Variants in ROBO2 observed in about 807,000 individuals in gnomAD.
The protein encoded by ROBO2 is roundabout homolog 2.
In ROBO2, 53 loss-of-function variants were observed where a neutral mutation model predicts 160.8. The ratio of observed to expected loss-of-function variants is 0.33; its 90% confidence interval spans 0.26 to 0.41. The LOEUF (loss-of-function observed/expected upper bound fraction) is 0.41. Ranked by LOEUF, ROBO2 falls within the 10% of genes least tolerant of loss-of-function variation. The probability of loss-of-function intolerance (pLI) is 1.00; values close to 1 mark genes in which losing one functional copy is unlikely to be tolerated. For synonymous variants in ROBO2, 664 were observed against 611.7 expected, an observed-to-expected ratio of 1.09 and a Z score of -1.26; for missense variants, 1,577 against 1,722.4, an observed-to-expected ratio of 0.92 and a Z score of 1.49.
At chr3:76,710,368 C>T (rs1393869999) in intron 2 of ROBO2, among the ~76,000 whole-genome samples, 4 of 152,160 alleles carry the variant, frequency 2.6e-5, no homozygotes, top group Non-Finnish European at 5.9e-5. Flanking sequence ...ATCCTCCTGC[C>T]TTGGCCTCCC....
At chr3:76,547,397 C>G (rs1402287049) in intron 2 of ROBO2, among the ~76,000 whole-genome samples, 1 of 151,662 alleles carries the variant, frequency 6.6e-6, no homozygotes, top group Non-Finnish European at 1.5e-5. Flanking sequence ...TGTATAACAC[C>G]ACATGTTTTA....
chr3:76,147,952 C>G (rs1284147910), intron 2 of ROBO2, among the ~76,000 whole-genome samples: 3 of 151,968 alleles, frequency 2.0e-5, no homozygotes, highest in Non-Finnish European at 2.9e-5. Context: ...ACGTTGTTAT[C>G]TATAGAACAG....
chr3:76,695,132 A>C (rs578246480), intron 2 of ROBO2, among the ~76,000 whole-genome samples: 1 of 152,200 alleles, frequency 6.6e-6, no homozygotes, highest in East Asian at 1.9e-4. Context: ...AACACAAAAA[A>C]CTTATTTTTT....
rs577749113 is a variant in ROBO2, at chr3:77,031,704, CATTATA to C, written c.110-66303_110-66298del. The stretch of plus-strand genomic sequence containing the variant: ...TAATGTAATTAATTATAATATAATA[CATTATA>C]ATTATATTATTATATATAATAAATA... On this transcript the variant is annotated intron_variant, in intron 2 of 26. Coordinates refer to the ROBO2 transcript ENST00000487694. Among the ~76,000 whole-genome samples, 61 of 144,994 alleles carry C rather than the reference CATTATA, an allele frequency of 4.2e-4. No homozygotes were observed. In the East Asian group the frequency reaches 9.3e-3, roughly 22 times the overall value.
chr3:76,037,320 C>T (rs13097663), intron 2 of ROBO2, among the ~76,000 whole-genome samples: 1,765 of 148,892 alleles, frequency 0.012, 16 homozygotes, highest in Non-Finnish European at 0.017. Context: ...TGCAGTGGCG[C>T]GATCTCGGCT....
chr3:76,281,666 A>G (rs574634321), intron 2 of ROBO2, among the ~76,000 whole-genome samples: 26 of 152,098 alleles, frequency 1.7e-4, no homozygotes, highest in Middle Eastern at 3.4e-3. Flanking sequence ...GATACCGGAC[A>G]AAATTCCTCC....
chr3:76,367,215 G>A (rs2075862412), intron 2 of ROBO2, among the ~76,000 whole-genome samples: 1 of 151,896 alleles, frequency 6.6e-6, no homozygotes, highest in Middle Eastern at 3.2e-3. Flanking sequence ...AATATCATCT[G>A]ATCTAACATT....
intron 2 of ROBO2, among the ~76,000 whole-genome samples, chr3:76,952,269 CTATTTT>C (rs1025548210): frequency 1.5e-4 from 23 of 151,910 alleles, no homozygotes; most frequent in African/African-American, 3.9e-4. Context: ...GCATTGTAAC[CTATTTT>C]TATTTTTATT....
In ROBO2 at chr3:76,310,114, G is replaced by A. The variant is rs145768906; in HGVS notation, c.109+372512G>A. 5.1e-4 allele frequency among the ~76,000 whole-genome samples: 77 copies of A among 152,078 alleles called. 1 individual carries two copies. The East Asian group carries it at 0.01, about 20-fold the overall frequency. ...TGGAATTACAGATGTGAGCCACCACGTCAGACAATCCCAAATTAGTTCATT... is the reference window on the plus strand; with the variant it reads ...TGGAATTACAGATGTGAGCCACCACATCAGACAATCCCAAATTAGTTCATT... On this transcript the variant is annotated intron_variant, in intron 2 of 26. Coordinates refer to the ROBO2 transcript ENST00000487694.
intron 1 of ROBO2, among the ~76,000 whole-genome samples, chr3:77,066,642 T>C (rs2149804620): frequency 6.6e-6 from 1 of 152,260 alleles, no homozygotes; most frequent in South Asian, 2.1e-4. Context: ...TATGTTAATG[T>C]TAAATAGGAC....
At chr3:77,340,973 G>A (rs2066996904) in intron 2 of ROBO2, among the ~76,000 whole-genome samples, 1 of 152,030 alleles carries the variant, frequency 6.6e-6, no homozygotes, top group African/African-American at 2.4e-5. Context: ...CCAACTATGA[G>A]TTAAGAATAT....
intron 2 of ROBO2, among the ~76,000 whole-genome samples, chr3:77,027,250 A>G (rs1443974019): frequency 6.6e-6 from 1 of 152,194 alleles, no homozygotes; most frequent in East Asian, 1.9e-4. Context: ...TGGTGATGAC[A>G]ACATCATATT....
At chr3:77,246,280 A>G (rs2089708825) in intron 2 of ROBO2, among the ~76,000 whole-genome samples, 1 of 151,470 alleles carries the variant, frequency 6.6e-6, no homozygotes, top group South Asian at 2.1e-4. Context: ...CCTCTGCGAC[A>G]GGAGTGAGAA....
chr3:76,501,373 T>C (rs1254790503), intron 2 of ROBO2, among the ~76,000 whole-genome samples: 1 of 152,160 alleles, frequency 6.6e-6, no homozygotes, highest in Non-Finnish European at 1.5e-5. Context: ...ATTATCCCAA[T>C]CCTCTACTGT....
At chr3:76,987,018 A>G (rs2060415630) in intron 2 of ROBO2, among the ~76,000 whole-genome samples, 1 of 152,224 alleles carries the variant, frequency 6.6e-6, no homozygotes, top group Admixed American at 6.5e-5. Flanking sequence ...TGCCAAAAGC[A>G]TGCATATTAG....
intron 2 of ROBO2, among the ~76,000 whole-genome samples, chr3:76,639,921 C>T (rs569876556): frequency 1.3e-5 from 2 of 152,252 alleles, no homozygotes; most frequent in South Asian, 2.1e-4. Flanking sequence ...AAGTCTGTGT[C>T]GACTGGATAC....
intron 6 of ROBO2, among the ~76,000 whole-genome samples, chr3:77,534,921 A>G (rs2091993276): frequency 6.6e-6 from 1 of 152,196 alleles, no homozygotes; most frequent in Non-Finnish European, 1.5e-5. Context: ...GCATATGCAT[A>G]CATAGGTAGT....
intron 2 of ROBO2, among the ~76,000 whole-genome samples, chr3:76,707,369 C>G (rs2093186986): frequency 6.6e-6 from 1 of 152,112 alleles, no homozygotes; most frequent in Admixed American, 6.6e-5. Flanking sequence ...TTGCCAATGA[C>G]AGGTGATGCT....
At chr3:76,883,755 A>T (rs1361807505) in intron 2 of ROBO2, among the ~76,000 whole-genome samples, 2 of 152,216 alleles carry the variant, frequency 1.3e-5, no homozygotes, top group Admixed American at 6.5e-5. Context: ...ATGGTTTCCT[A>T]AAACTGGTAA....
Sources: gnomAD v4.1 joint callset for allele counts (sites outside exome capture counted in the v4.1 genomes callset) on GRCh38, gnomAD v4.1.1 for gene constraint, MANE v1.5 for transcripts, NCBI Gene and HGNC (gene_info 2026-07-23, HGNC 2026-07-21) for gene names.